Variants in SIPA1L1 observed in about 807,000 individuals in gnomAD.
The protein encoded by SIPA1L1 is signal induced proliferation associated 1 like 1.
A neutral mutation model predicts 162.7 loss-of-function variants in SIPA1L1; 26 were observed. That is an observed-to-expected ratio of 0.16 (90% CI 0.12 to 0.22). SIPA1L1 has a LOEUF of 0.22. SIPA1L1 is among the 10% of genes least tolerant of loss of function. SIPA1L1 has a pLI of 1.00. For missense variants in SIPA1L1, 1,874 were observed against 2,241.0 expected (o/e 0.84, Z 3.31); for synonymous variants, 829 against 837.4 (o/e 0.99, Z 0.17).
chr14:71,576,951 C>T (rs2033122463), intron 4 of SIPA1L1, among the ~76,000 whole-genome samples: 1 of 151,272 alleles, frequency 6.6e-6, no homozygotes, highest in Admixed American at 6.6e-5. Context: ...GGTGTGGTGG[C>T]GGGCACCTGC....
At chr14:71,575,682 C>T (rs750954146) in intron 4 of SIPA1L1, among the ~76,000 whole-genome samples, 6 of 152,106 alleles carry the variant, frequency 3.9e-5, no homozygotes, top group South Asian at 2.1e-4. Context: ...ATAGTCGATT[C>T]TATTGTGGAT....
intron 2 of SIPA1L1, among the ~76,000 whole-genome samples, chr14:71,487,430 T>C (rs1440573498): frequency 1.3e-5 from 2 of 152,220 alleles, no homozygotes; most frequent in Non-Finnish European, 2.9e-5. Context: ...TGTATATCCA[T>C]CATTTTTTCA....
intron 2 of SIPA1L1, among the ~76,000 whole-genome samples, chr14:71,376,893 T>G (rs1002547051): frequency 1.3e-5 from 2 of 152,190 alleles, no homozygotes; most frequent in African/African-American, 4.8e-5. Context: ...AGAGAAATTT[T>G]TCTTAGTACA....
At chr14:71,680,297 G>T (rs917358870) in intron 12 of SIPA1L1, among the ~76,000 whole-genome samples, 3 of 152,152 alleles carry the variant, frequency 2.0e-5, no homozygotes, top group African/African-American at 4.8e-5. Context: ...CAACTACATG[G>T]AAACTGAACA....
chr14:71,703,487 A>G (rs542348125), intron 15 of SIPA1L1, among the ~76,000 whole-genome samples: 1 of 152,330 alleles, frequency 6.6e-6, no homozygotes, highest in South Asian at 2.1e-4. Context: ...TTCTGAAGAT[A>G]TGCTTTGTTC....
chr14:71,712,389 G>A (rs548684686), intron 17 of SIPA1L1, among the ~76,000 whole-genome samples: 2 of 152,198 alleles, frequency 1.3e-5, no homozygotes, highest in South Asian at 2.1e-4. Context: ...AACTAAAAAC[G>A]TCTATTAATT....
At position 71,588,156 on chromosome 14, in the gene SIPA1L1, G is replaced by T. The variant is rs769709277; in HGVS notation, c.284G>T (p.Arg95Leu). 1 of 1,614,150 alleles carries T rather than the reference G, an allele frequency of 6.2e-7. No individual in the cohort carries two copies. The highest frequency in any genetic ancestry group is 8.5e-7 in the Non-Finnish European group (1 of 1,180,004). ...PRKENIKESS[R>L]SSQEIETSSC... is the part of the protein sequence containing the mutation. ...AAGGAAAACATAAAAGAATCTAGCC[G>T]TTCAAGCCAGGAAATAGAAACCTCA... Residue 95 changes from arginine to leucine, a missense_variant, in exon 5 of 24, where the codon CGT becomes CTT. By Grantham distance (102) the Arg-to-Leu change is moderately radical (BLOSUM62 -2). Transcript: ENST00000381232. This position sits in a 1 kb window ranked among gnomAD's most constrained non-coding sequence, Gnocchi z 4.3.
chr14:71,447,077 A>C (rs2045462120), intron 2 of SIPA1L1, among the ~76,000 whole-genome samples: 1 of 149,894 alleles, frequency 6.7e-6, no homozygotes, highest in Admixed American at 6.7e-5. Context: ...ATGCTCAGCT[A>C]ATTACATTTT....
intron 2 of SIPA1L1, among the ~76,000 whole-genome samples, chr14:71,381,074 A>G (rs987099780): frequency 1.1e-4 from 17 of 152,148 alleles, no homozygotes; most frequent in African/African-American, 4.1e-4. Flanking sequence ...TATTTTTGAG[A>G]TGGAGTCTGG....
intron 14 of SIPA1L1, among the ~76,000 whole-genome samples, chr14:71,701,387 TTTTTTTTTTTTTTG>T (rs1404603203): frequency 2.0e-5 from 3 of 151,774 alleles, no homozygotes; most frequent in Non-Finnish European, 1.5e-5. Flanking sequence ...AGGCTAATTT[TTTTTTTTTTTTTTG>T]TGGAGCCTGG....
chr14:71,456,411 C>T (rs1382174353), intron 2 of SIPA1L1, among the ~76,000 whole-genome samples: 1 of 152,162 alleles, frequency 6.6e-6, no homozygotes, highest in Non-Finnish European at 1.5e-5. Flanking sequence ...ATTTTATGTA[C>T]TAAAATATTA....
intron 2 of SIPA1L1, among the ~76,000 whole-genome samples, chr14:71,341,933 T>A (rs2035699432): frequency 6.6e-6 from 1 of 152,136 alleles, no homozygotes; most frequent in South Asian, 2.1e-4. Context: ...TGATTCCATG[T>A]CTTTGCTGTT....
intron 2 of SIPA1L1, among the ~76,000 whole-genome samples, chr14:71,429,846 A>G (rs544113685): frequency 6.6e-6 from 1 of 152,338 alleles, no homozygotes; most frequent in South Asian, 2.1e-4. Flanking sequence ...GGCTAGTTTT[A>G]TTCATTGCAC....
chr14:71,561,161 A>G (rs1160486877), intron 4 of SIPA1L1, among the ~76,000 whole-genome samples: 1 of 152,196 alleles, frequency 6.6e-6, no homozygotes, highest in East Asian at 1.9e-4. Context: ...ATCATCATAT[A>G]TATACATTTA....
At chr14:71,625,702 T>C (rs1158224550) in intron 7 of SIPA1L1, among the ~76,000 whole-genome samples, 1 of 152,258 alleles carries the variant, frequency 6.6e-6, no homozygotes, top group Non-Finnish European at 1.5e-5. Context: ...AGAAAAATGA[T>C]GTTTAGGTCC....
intron 2 of SIPA1L1, among the ~76,000 whole-genome samples, chr14:71,365,835 C>T (rs1197706361): frequency 2.0e-5 from 3 of 151,974 alleles, no homozygotes; most frequent in Admixed American, 6.5e-5. Context: ...AAGCCATCCT[C>T]CTACCTCAGC....
chr14:71,593,697 G>C (rs375192373), intron 5 of SIPA1L1, among the ~76,000 whole-genome samples: 2 of 152,062 alleles, frequency 1.3e-5, no homozygotes, highest in African/African-American at 4.8e-5. Context: ...ATTTTGCACC[G>C]AGTGTATAAT....
intron 4 of SIPA1L1, among the ~76,000 whole-genome samples, chr14:71,546,941 C>T (rs965468804): frequency 2.0e-5 from 3 of 152,118 alleles, no homozygotes; most frequent in Admixed American, 6.5e-5. Flanking sequence ...GATTGAGGAT[C>T]GGTTTTCTTT....
intron 19 of SIPA1L1, among the ~76,000 whole-genome samples, chr14:71,727,406 G>A (rs925091535): frequency 1.3e-5 from 2 of 151,696 alleles, no homozygotes; most frequent in African/African-American, 4.8e-5. Context: ...GAGATCAGTG[G>A]TGCCCAACCA....
Sources: gnomAD v4.1 joint callset for allele counts (sites outside exome capture counted in the v4.1 genomes callset) on GRCh38, gnomAD v4.1.1 for gene constraint, Gnocchi (gnomAD v3.1) non-coding constraint, MANE v1.5 for transcripts, NCBI Gene and HGNC (gene_info 2026-07-23, HGNC 2026-07-21) for gene names.